Variants in C12orf75 observed in about 807,000 individuals in gnomAD.
C12orf75 encodes the protein chromosome 12 open reading frame 75, also known as overexpressed in colon carcinoma 1 protein.
C12orf75 carries 4 observed loss-of-function variants against 11.4 expected under a neutral mutation model. That is an observed-to-expected ratio of 0.35 (90% CI 0.17 to 0.80). The LOEUF is 0.80. C12orf75 is among the 30% of genes least tolerant of loss of function. The probability of loss-of-function intolerance (pLI) is 0.52; values close to 1 mark genes in which losing one functional copy is unlikely to be tolerated. For missense variants in C12orf75, 89 were observed against 80.4 expected (o/e 1.11, Z -0.41); for synonymous variants, 30 against 30.0 (o/e 1.00, Z 0.00).
chr12:105,331,012 G>T (rs1892415274), intron 1 of C12orf75, 75 bp downstream of exon 1: 2 of 936,140 alleles, frequency 2.1e-6, no homozygotes, highest in African/African-American at 1.7e-5. Context: ...CAGGGATCTT[G>T]GGTGGGGGGC....
At chr12:105,350,050 T>C (rs1416983986) in intron 2 of C12orf75, among the ~76,000 whole-genome samples, 1 of 152,236 alleles carries the variant, frequency 6.6e-6, no homozygotes, top group Non-Finnish European at 1.5e-5. Flanking sequence ...TCCTGTTTGC[T>C]GTGTTGGAGT....
chr12:105,340,430 CAAA>C (rs60658476), intron 1 of C12orf75, among the ~76,000 whole-genome samples: 26 of 115,388 alleles, frequency 2.3e-4, no homozygotes, highest in Admixed American at 2.9e-4. Context: ...GTGCCCCCGC[CAAA>C]AAAAAAAAAA....
rs1220807564 is a variant in C12orf75 at position 105,330,952 on chromosome 12, AGGCGGGGGCC to A, written c.46+25_46+34del. 2.5e-5 allele frequency: 29 copies of A among 1,158,028 alleles called. 1 individual carries two copies. Among genetic ancestry groups the A allele is most frequent in the Non-Finnish European group, 3.0e-5 (28 of 922,578 alleles). The allele number at this position is 1,158,028 out of a possible 1,614,324, so 71.7% of individuals were successfully genotyped here. A position where few individuals can be genotyped will look rare whatever the true frequency, so the allele number is the denominator to read the frequency against. On this transcript the variant is annotated intron_variant, in intron 1 of 5. Coordinates refer to ENST00000443585, the MANE Select transcript of C12orf75 (RefSeq NM_001145199.2). ...CGCGGGCCAAGGTGAGTCCGGCGGG[AGGCGGGGGCC>A]GGCGGGGGCGGGCGGGAGAGGCGGC...
At chr12:105,367,351 C>T (rs1871503970) in intron 4 of C12orf75, 121 bp from the exon 5 acceptor site, 1 of 402,272 alleles carries the variant, frequency 2.5e-6, no homozygotes, top group Non-Finnish European at 4.7e-6. Context: ...ATTGTTCTTT[C>T]TGTACTTTGT....
intron 2 of C12orf75, among the ~76,000 whole-genome samples, chr12:105,350,448 G>C (rs1481487000): frequency 1.3e-5 from 2 of 152,180 alleles, no homozygotes; most frequent in African/African-American, 4.8e-5. Flanking sequence ...TCCTGTCCTT[G>C]TGTTTTGCTG....
intron 2 of C12orf75, among the ~76,000 whole-genome samples, chr12:105,365,210 AT>A (rs1278260280): frequency 4.6e-5 from 7 of 152,144 alleles, no homozygotes; most frequent in Admixed American, 2.6e-4. Context: ...ATCCTTTTAA[AT>A]ATTTCTCCCT....
chr12:105,335,736 C>T (rs757877152), intron 1 of C12orf75, among the ~76,000 whole-genome samples: 2 of 152,228 alleles, frequency 1.3e-5, no homozygotes, highest in East Asian at 1.9e-4. Flanking sequence ...ATGTTTATTT[C>T]TTGTCTCCTT....
chr12:105,357,060 TC>T (rs1384353216), intron 2 of C12orf75, among the ~76,000 whole-genome samples: 1 of 152,164 alleles, frequency 6.6e-6, no homozygotes, highest in Non-Finnish European at 1.5e-5. Context: ...CAGCCCACCT[TC>T]CAGAACCCCG....
At chr12:105,359,506 C>T (rs1892830571) in intron 2 of C12orf75, among the ~76,000 whole-genome samples, 1 of 152,068 alleles carries the variant, frequency 6.6e-6, no homozygotes, top group Non-Finnish European at 1.5e-5. Context: ...CGCAGTGGCT[C>T]ACACCTGTAA....
intron 1 of C12orf75, among the ~76,000 whole-genome samples, chr12:105,344,900 A>G (rs1023285302): frequency 7.9e-5 from 12 of 152,112 alleles, no homozygotes; most frequent in African/African-American, 2.9e-4. Flanking sequence ...CTTTTCCACA[A>G]AAATAAAAAA....
At chr12:105,358,691 AC>A (rs913390044) in intron 2 of C12orf75, among the ~76,000 whole-genome samples, 3 of 152,206 alleles carry the variant, frequency 2.0e-5, no homozygotes, top group African/African-American at 7.2e-5. Flanking sequence ...TTGTCTTGAT[AC>A]CAGAGAAAGC....
chr12:105,358,583 A>C (rs1291964766), intron 2 of C12orf75, among the ~76,000 whole-genome samples: 1 of 152,226 alleles, frequency 6.6e-6, no homozygotes, highest in Non-Finnish European at 1.5e-5. Flanking sequence ...ATGGTATTTG[A>C]GGTTATGATT....
intron 2 of C12orf75, among the ~76,000 whole-genome samples, chr12:105,364,097 A>T (rs1458964080): frequency 2.0e-5 from 3 of 152,246 alleles, no homozygotes; most frequent in African/African-American, 7.2e-5. Flanking sequence ...GTGTGTCATA[A>T]GCTACCAGTT....
In C12orf75 at chr12:105,356,438, GCTTTTTTTTTT is replaced by G. The variant is rs1174048225; in HGVS notation, c.71+7813_71+7823del. Among the ~76,000 whole-genome samples the G allele has an allele frequency of 3.1e-4, 26 of 83,110 alleles. No individual in the cohort carries two copies. In the East Asian group the frequency reaches 8.7e-3, roughly 28 times the overall value. 54.5% of individuals were successfully genotyped at this position (83,110 alleles called of 152,430 possible). ...AATAGGGAAAAAGAAAAGACTACAG[GCTTTTTTTTTT>G]TTTTTTTTTTTGCTTTTTAGATCAT... On this transcript the variant is annotated intron_variant, in intron 2 of 5. Coordinates refer to ENST00000443585, the MANE Select transcript of C12orf75 (RefSeq NM_001145199.2).
chr12:105,357,358 G>C (rs1469913836), intron 2 of C12orf75, among the ~76,000 whole-genome samples: 1 of 152,174 alleles, frequency 6.6e-6, no homozygotes, highest in East Asian at 1.9e-4. Flanking sequence ...TTGGTCAGTT[G>C]CTTTTTTTTC....
intron 5 of C12orf75, among the ~76,000 whole-genome samples, chr12:105,368,089 A>G (rs940846481): frequency 1.3e-5 from 2 of 151,122 alleles, no homozygotes; most frequent in Non-Finnish European, 2.9e-5. Context: ...CAGTATGGAC[A>G]TGGCAAAGAG....
intron 2 of C12orf75, among the ~76,000 whole-genome samples, chr12:105,361,424 T>A (rs991563567): frequency 3.9e-5 from 6 of 152,138 alleles, no homozygotes; most frequent in Non-Finnish European, 5.9e-5. Flanking sequence ...CCCAAAGACT[T>A]AAAGTTTCTT....
In C12orf75 at chr12:105,367,686, A is replaced by T. The variant is rs143283187; in HGVS notation, c.*33+177A>T. On this transcript the variant is annotated intron_variant, in intron 5 of 5. Transcript: ENST00000443585. ...TGCATAGAGGTGAATAATCAGATCA[A>T]TTTTCTTTCAGCTACTTTTTTCATT... Among the ~76,000 whole-genome samples the T allele has an allele frequency of 1.2e-3, 186 of 152,294 alleles. 1 individual carries two copies. The East Asian group carries it at 0.03, about 25-fold the overall frequency.
intron 1 of C12orf75, among the ~76,000 whole-genome samples, chr12:105,331,156 G>T (rs1892417306): frequency 6.6e-6 from 1 of 151,994 alleles, no homozygotes; most frequent in South Asian, 2.1e-4. Flanking sequence ...GGGCGTCTCT[G>T]CCGAGGGAGC....
Sources: allele counts gnomAD v4.1 joint callset (sites outside exome capture counted in the v4.1 genomes callset), GRCh38; gene constraint gnomAD v4.1.1; transcripts MANE v1.5; gene names NCBI Gene and HGNC (gene_info 2026-07-23, HGNC 2026-07-21).